PHF24: variants seen among roughly 807,000 people sequenced by gnomAD.
PHF24 encodes the protein Galpha inhibitory interacting protein.
A neutral mutation model predicts 42.6 loss-of-function variants in PHF24; 25 were observed. The observed-to-expected ratio is 0.59, with a 90% CI of 0.43 to 0.82. PHF24 has a LOEUF of 0.82. Ranked by LOEUF, PHF24 falls within the 40% of genes least tolerant of loss-of-function variation. PHF24 has a pLI of 0.00. For synonymous variants in PHF24, 185 were observed against 204.8 expected (o/e 0.90, Z 0.83); for missense variants, 470 against 538.1 (o/e 0.87, Z 1.25).
At chr9:34,830,530 A>C in the PHF24 span, among the ~76,000 whole-genome samples, 2 of 152,206 alleles carry the variant, frequency 1.3e-5, no homozygotes, top group African/African-American at 4.8e-5. Context: ...AGGTCCCCTT[A>C]GGTCTCCTTA....
At chr9:34,772,928 C>T in the PHF24 span, among the ~76,000 whole-genome samples, 1 of 151,556 alleles carries the variant, frequency 6.6e-6, no homozygotes, top group South Asian at 2.1e-4. Context: ...GCTCTGTCAG[C>T]TGAGAGGATC....
chr9:34,847,228 A>G, the PHF24 span, among the ~76,000 whole-genome samples: 2 of 152,234 alleles, frequency 1.3e-5, no homozygotes, highest in Non-Finnish European at 2.9e-5. Context: ...CTTCCTACCC[A>G]TGAACATGGA....
upstream of PHF24, among the ~76,000 whole-genome samples, chr9:34,958,021 G>C (rs1467929064): frequency 3.3e-5 from 5 of 150,778 alleles, no homozygotes; most frequent in Non-Finnish European, 7.4e-5. This position sits in a 1 kb window ranked among gnomAD's most constrained non-coding sequence, Gnocchi z 4.5. Flanking sequence ...CATCGGAGCC[G>C]TCCGCCGTCC....
chr9:34,977,152 A>C, exon 6 of PHF24: 1 of 1,613,796 alleles, frequency 6.2e-7, no homozygotes, highest in Non-Finnish European at 8.5e-7. Flanking sequence ...GGCTCGGGGC[A>C]GTGGGAGCAC....
intron 5 of PHF24, 148 bp downstream of exon 5, chr9:34,976,888 C>G (rs1827210106): frequency 5.5e-6 from 5 of 906,094 alleles, no homozygotes; most frequent in Non-Finnish European, 8.3e-6. Flanking sequence ...GACAGATGAT[C>G]TGGTGCCCAG....
the PHF24 span, among the ~76,000 whole-genome samples, chr9:34,811,529 C>G: frequency 6.6e-6 from 1 of 152,214 alleles, no homozygotes; most frequent in South Asian, 2.1e-4. Context: ...ACATGAAGGC[C>G]TTCACTGAAA....
the PHF24 span, among the ~76,000 whole-genome samples, chr9:34,831,501 C>G: frequency 6.6e-6 from 1 of 152,110 alleles, no homozygotes; most frequent in Non-Finnish European, 1.5e-5. Flanking sequence ...AACTTCAGTG[C>G]TCAACACCCT....
At chr9:34,903,231 T>G in the PHF24 span, among the ~76,000 whole-genome samples, 1 of 152,204 alleles carries the variant, frequency 6.6e-6, no homozygotes, top group African/African-American at 2.4e-5. Context: ...CTCAGAATGA[T>G]TATAAATAAG....
At chr9:34,744,715 T>G in the PHF24 span, among the ~76,000 whole-genome samples, 2 of 152,192 alleles carry the variant, frequency 1.3e-5, no homozygotes, top group Non-Finnish European at 2.9e-5. Context: ...TGGGTAACAC[T>G]GGGCACTTGA....
At chr9:34,724,047 C>T in the PHF24 span, 1 of 1,524,086 alleles carries the variant, frequency 6.6e-7, no homozygotes, top group Non-Finnish European at 8.9e-7. Flanking sequence ...CCAAACCCCG[C>T]ATCCCCTTCT....
the PHF24 span, chr9:34,728,773 A>G: frequency 1.1e-6 from 1 of 931,482 alleles, no homozygotes; most frequent in Non-Finnish European, 1.7e-6. Context: ...TCTGTATTTT[A>G]TACACTCTCC....
At chr9:34,689,737 C>T in the PHF24 span, 1 of 1,545,082 alleles carries the variant, frequency 6.5e-7, no homozygotes, top group African/African-American at 1.4e-5. The surrounding 1 kb of genome is among the most constrained non-coding windows in gnomAD (Gnocchi z 4.1). Flanking sequence ...CTGGTCCTTC[C>T]TTCTGGTCCT....
At chr9:34,831,936 T>C in the PHF24 span, among the ~76,000 whole-genome samples, 4 of 152,302 alleles carry the variant, frequency 2.6e-5, no homozygotes, top group South Asian at 4.2e-4. Context: ...TTATTAGATA[T>C]TGTGTTTTGA....
At chr9:34,719,699 C>T in the PHF24 span, among the ~76,000 whole-genome samples, 1 of 152,188 alleles carries the variant, frequency 6.6e-6, no homozygotes, top group African/African-American at 2.4e-5. Context: ...CACGCTAACC[C>T]CTGGCTTCCT....
chr9:34,932,048 G>C, the PHF24 span, among the ~76,000 whole-genome samples: 1 of 152,310 alleles, frequency 6.6e-6, no homozygotes, highest in East Asian at 1.9e-4. Context: ...GAAATCACGG[G>C]AGGGTGAGAA....
chr9:34,877,050 G>C, the PHF24 span, among the ~76,000 whole-genome samples: 1 of 152,180 alleles, frequency 6.6e-6, no homozygotes, highest in African/African-American at 2.4e-5. Flanking sequence ...GGGAGGCCAA[G>C]GTGGGCAGAT....
chr9:34,751,723 C>T, the PHF24 span, among the ~76,000 whole-genome samples: 1 of 152,134 alleles, frequency 6.6e-6, no homozygotes, highest in Admixed American at 6.6e-5. Flanking sequence ...ATTTATAGAA[C>T]ATTTTACCCA....
chr9:34,898,382 C>T, the PHF24 span, among the ~76,000 whole-genome samples: 11 of 152,018 alleles, frequency 7.2e-5, no homozygotes, highest in Non-Finnish European at 1.3e-4. Context: ...AGGAGTAAGG[C>T]GGTATCACAT....
chr9:34,792,204 A>G, the PHF24 span, among the ~76,000 whole-genome samples: 1 of 152,246 alleles, frequency 6.6e-6, no homozygotes, highest in Non-Finnish European at 1.5e-5. Context: ...TTGGAAGTAC[A>G]GTGGTCCTCA....
Sources: gnomAD v4.1 joint callset for allele counts (sites outside exome capture counted in the v4.1 genomes callset) on GRCh38, gnomAD v4.1.1 for gene constraint, Gnocchi (gnomAD v3.1) non-coding constraint, MANE v1.5 for transcripts, NCBI Gene and HGNC (gene_info 2026-07-23, HGNC 2026-07-21) for gene names.